The following DAAM2 variants were observed in gnomAD, a reference collection of about 807,000 sequenced individuals.
DAAM2 encodes dishevelled associated activator of morphogenesis 2, also known as disheveled-associated activator of morphogenesis 2.
A neutral mutation model predicts 120.7 loss-of-function variants in DAAM2; 39 were observed. The ratio of observed to expected loss-of-function variants is 0.32; its 90% CI spans 0.25 to 0.42. The LOEUF is 0.42. DAAM2 is among the 10% of genes least tolerant of loss of function. The pLI is 1.00. For missense variants in DAAM2, 1,283 were observed against 1,401.7 expected (o/e 0.92, Z 1.35); for synonymous variants, 488 against 524.9 (o/e 0.93, Z 0.96).
rs546197433 is a variant in DAAM2 at position 39,878,206 on chromosome 6, C to T, written c.1305C>T (p.Leu435=). The change falls in exon 12 of 25, where the codon CTC becomes CTT. Residue 435 remains leucine (L), a synonymous_variant. Transcript: ENST00000274867. The surrounding 1 kb of genome is among the most constrained non-coding windows in gnomAD (Gnocchi z 5.0). ...NFNVKNIVNM[L]INENEVKQWR... ...CCTTCCCTCTATGCCCTGCCAGGCT[C>T]ATCAACGAGAATGAAGTGAAACAGT... 61 of 1,613,976 alleles carry T rather than the reference C, an allele frequency of 3.8e-5. No individual in the cohort carries two copies. Among genetic ancestry groups the T allele is most frequent in the Admixed American group, 1.2e-4 (7 of 60,020 alleles).
chr6:39,846,788 G>A (rs898185668), intron 1 of DAAM2, among the ~76,000 whole-genome samples: 2 of 150,456 alleles, frequency 1.3e-5, no homozygotes, highest in African/African-American at 4.9e-5. Context: ...CAACCAAACT[G>A]AACTCATGCT....
intron 14 of DAAM2, among the ~76,000 whole-genome samples, chr6:39,880,714 T>A (rs1293287848): frequency 6.6e-6 from 1 of 152,218 alleles, no homozygotes; most frequent in Non-Finnish European, 1.5e-5. Flanking sequence ...CTTTATAATC[T>A]AGGTGGAAAG....
chr6:39,870,467 A>G (rs1314016113), intron 8 of DAAM2, 24 bp downstream of exon 8: 4 of 1,451,616 alleles, frequency 2.8e-6, no homozygotes, highest in East Asian at 4.9e-5. Context: ...ACCCGTCTCC[A>G]TTGCAAACCT....
Position 39,856,474 on chromosome 6 carries a change from A to C in DAAM2, c.168+4A>C, listed in dbSNP as rs575112318. On this transcript the variant is annotated splice_donor_region_variant and intron_variant, in intron 2 of 24. Transcript: ENST00000274867. ...CATCCGCTTTGCAGAGCTGGTGGTC[A>C]GTGAGAGGGTGGGGAGAGACAGTGA... 16 of 1,446,734 alleles carry C rather than the reference A, an allele frequency of 1.1e-5. No homozygotes were observed. The African/African-American group carries it at 2.2e-4, about 20-fold the overall frequency. The allele number at this position is 1,446,734 out of a possible 1,614,324, so 89.6% of individuals were successfully genotyped here. A position where few individuals can be genotyped will look rare whatever the true frequency, so the allele number is the denominator to read the frequency against.
At chr6:39,867,209 T>G in intron 5 of DAAM2, 2 of 354,590 alleles carry the variant, frequency 5.6e-6, no homozygotes, top group East Asian at 1.2e-4. Context: ...TGGAGAGGAG[T>G]GTTCAGGTTT....
At chr6:39,814,716 C>G (rs557999698) in intron 1 of DAAM2, among the ~76,000 whole-genome samples, 3 of 152,180 alleles carry the variant, frequency 2.0e-5, no homozygotes, top group African/African-American at 7.2e-5. Context: ...ACAAGGGGTG[C>G]CCTCCCACCA....
At chr6:39,798,211 A>G (rs1761757232) in intron 1 of DAAM2, among the ~76,000 whole-genome samples, 1 of 152,238 alleles carries the variant, frequency 6.6e-6, no homozygotes, top group Admixed American at 6.5e-5. Flanking sequence ...AAACCTATGT[A>G]TGATTCCTGG....
At position 39,898,993 on chromosome 6, in the gene DAAM2, C is replaced by T. The variant is rs3736829; in HGVS notation, c.2679+56C>T. ...AGGGCTGCTGTCAGCAAACACTGTTCGTCACTGCACCCTAAGCTCCTACAC... is the reference window on the plus strand; with the variant it reads ...AGGGCTGCTGTCAGCAAACACTGTTTGTCACTGCACCCTAAGCTCCTACAC... On this transcript the variant is annotated intron_variant, in intron 22 of 24. Coordinates refer to ENST00000274867, the MANE Select transcript of DAAM2 (RefSeq NM_001201427.2). 0.011 allele frequency: 15,102 copies of T among 1,415,050 alleles called. 1,512 individuals are homozygous for T. In the East Asian group the frequency reaches 0.26, roughly 24 times the overall value. 87.7% of individuals were successfully genotyped at this position (1,415,050 alleles called of 1,614,324 possible).
Position 39,864,853 on chromosome 6 carries a change from T to G in DAAM2, c.334-127T>G, listed in dbSNP as rs920377372. On this transcript the variant is annotated intron_variant, in intron 4 of 24. Coordinates refer to ENST00000274867, the MANE Select transcript of DAAM2 (RefSeq NM_001201427.2). ...CCTAGGTCTTCCCAGGGGCCGACAC[T>G]CGGTCTCAGTAAACCATTCCCTGAG... 8.5e-6 allele frequency: 10 copies of G among 1,178,234 alleles called. No homozygotes were observed. The African/African-American group carries it at 9.2e-5, about 11-fold the overall frequency. 73.0% of individuals were successfully genotyped at this position (1,178,234 alleles called of 1,614,324 possible).
At chr6:39,849,489 T>C (rs1291384264) in intron 1 of DAAM2, among the ~76,000 whole-genome samples, 1 of 152,198 alleles carries the variant, frequency 6.6e-6, no homozygotes, top group Non-Finnish European at 1.5e-5. Context: ...ACTACTTTAA[T>C]CCTCCTGACA....
intron 1 of DAAM2, among the ~76,000 whole-genome samples, chr6:39,833,933 A>G (rs1477073630): frequency 1.3e-5 from 2 of 152,190 alleles, no homozygotes; most frequent in African/African-American, 2.4e-5. Context: ...AGGTCCTGTC[A>G]TAGTCTCTAC....
chr6:39,902,023 C>T lies in DAAM2; in HGVS notation c.3193C>T (p.Arg1065Trp), dbSNP rs775538347. The change falls in exon 25 of 25, where the codon CGG becomes TGG. Residue 1065 changes from arginine (R) to tryptophan (W), a missense_variant. By Grantham distance (101) the Arg-to-Trp change is moderately radical (BLOSUM62 -3). Coordinates refer to ENST00000274867, the MANE Select transcript of DAAM2 (RefSeq NM_001201427.2). Reference sequence around the variant, plus strand: ...AGTTACCCGGGAGCGGGCAATAAACCGGCTAAATTATTGACCTGGGGAACT... The same window carrying T: ...AGTTACCCGGGAGCGGGCAATAAACTGGCTAAATTATTGACCTGGGGAACT... ...LEVTRERAIN[R>W]LNY 39 of 1,605,834 alleles carry T rather than the reference C, an allele frequency of 2.4e-5. No homozygotes were observed. In the Admixed American group the frequency reaches 3.2e-4, roughly 13 times the overall value.
chr6:39,904,728 C>A lies in DAAM2; in HGVS notation c.*2691C>A, dbSNP rs3793137. ...CCGACTTCTACCAGGGATGCCTTCA[C>A]GCCAAGGCTGTTCTCACCAGCTGCC... On this transcript the variant is annotated 3_prime_UTR_variant, in exon 25 of 25. Transcript: ENST00000274867. 52,429 of 454,012 alleles carry A rather than the reference C, an allele frequency of 0.12. 4,290 individuals are homozygous for A. Among genetic ancestry groups the A allele is most frequent in the African/African-American group, 0.28 (14,185 of 50,072 alleles). The allele number at this position is 454,012 out of a possible 1,614,324, so 28.1% of individuals were successfully genotyped here.
chr6:39,858,722 A>C (rs1454313959), intron 2 of DAAM2, among the ~76,000 whole-genome samples: 1 of 152,188 alleles, frequency 6.6e-6, no homozygotes, highest in Non-Finnish European at 1.5e-5. Flanking sequence ...GTAGAGACGT[A>C]CTGGAGACAG....
chr6:39,872,063 G>A (rs1253884671), intron 9 of DAAM2, among the ~76,000 whole-genome samples: 1 of 151,678 alleles, frequency 6.6e-6, no homozygotes, highest in Non-Finnish European at 1.5e-5. Flanking sequence ...CAGACCCTAA[G>A]CTGATTGGAT....
intron 1 of DAAM2, among the ~76,000 whole-genome samples, chr6:39,850,087 C>G (rs1036259646): frequency 7.9e-5 from 12 of 152,152 alleles, no homozygotes; most frequent in African/African-American, 2.9e-4. Flanking sequence ...ATAGGCTCCC[C>G]AGGATGCCCG....
At chr6:39,830,116 G>A (rs147844364) in intron 1 of DAAM2, among the ~76,000 whole-genome samples, 155 of 152,276 alleles carry the variant, frequency 1.0e-3, no homozygotes, top group African/African-American at 3.4e-3. Flanking sequence ...ATTCACTGCC[G>A]CATCCTACAG....
chr6:39,808,039 A>G (rs181152889), intron 1 of DAAM2, among the ~76,000 whole-genome samples: 57 of 149,302 alleles, frequency 3.8e-4, no homozygotes, highest in Middle Eastern at 3.6e-3. Context: ...CCAAACATCT[A>G]TATCTCATGT....
chr6:39,891,090 TAAAAA>T (rs11321886), intron 17 of DAAM2, among the ~76,000 whole-genome samples: 4 of 138,626 alleles, frequency 2.9e-5, no homozygotes, highest in Admixed American at 7.2e-5. Context: ...GAGACCCTAT[TAAAAA>T]AAAAAAAAAA....
Sources: gnomAD v4.1 joint callset for allele counts (sites outside exome capture counted in the v4.1 genomes callset) on GRCh38, gnomAD v4.1.1 for gene constraint, Gnocchi (gnomAD v3.1) non-coding constraint, MANE v1.5 for transcripts, NCBI Gene and HGNC (gene_info 2026-07-23, HGNC 2026-07-21) for gene names.